The following ZSWIM5 variants were observed in gnomAD, a reference collection of about 807,000 sequenced individuals.
The protein encoded by ZSWIM5 is zinc finger SWIM-type containing 5.
A neutral mutation model predicts 119.6 loss-of-function variants in ZSWIM5; 55 were observed. That is an observed-to-expected ratio of 0.46 (90% CI 0.37 to 0.58). ZSWIM5 has a LOEUF of 0.58. Ranked by LOEUF, ZSWIM5 falls within the 20% of genes least tolerant of loss-of-function variation. The pLI is 0.00. For synonymous variants in ZSWIM5, 537 were observed against 606.9 expected (o/e 0.88, Z 1.69); for missense variants, 1,193 against 1,512.8 (o/e 0.79, Z 3.51).
intron 5 of ZSWIM5, among the ~76,000 whole-genome samples, chr1:45,045,169 T>A (rs1461530513): frequency 1.3e-5 from 2 of 151,784 alleles, no homozygotes; most frequent in Non-Finnish European, 2.9e-5. Context: ...GAGGACCAAA[T>A]GGAAGATATC....
rs1285352714 is a variant in ZSWIM5 at position 45,205,847 on chromosome 1, G to C, written c.504C>G (p.Ala168=). ...AGASPGLGAG[A]GAAGCGGEGL... The stretch of plus-strand genomic sequence containing the variant: ...CCTCGCCACCGCAGCCGGCCGCGCC[G>C]GCCCCTGCGCCCAGCCCGGGGGATG... Residue 168 remains alanine (A), a synonymous_variant, in exon 1 of 14, where the codon GCC becomes GCG. Coordinates refer to ENST00000359600, the MANE Select transcript of ZSWIM5 (RefSeq NM_020883.2). 5.4e-6 allele frequency: 8 copies of C among 1,473,170 alleles called. No homozygotes were observed. The highest frequency in any genetic ancestry group is 6.3e-6 in the Non-Finnish European group (7 of 1,110,108). The allele number at this position is 1,473,170 out of a possible 1,614,324, so 91.3% of individuals were successfully genotyped here. A position where few individuals can be genotyped will look rare whatever the true frequency, so the allele number is the denominator to read the frequency against.
chr1:45,180,578 A>C (rs1249114231), intron 1 of ZSWIM5, among the ~76,000 whole-genome samples: 1 of 152,170 alleles, frequency 6.6e-6, no homozygotes, highest in African/African-American at 2.4e-5. Context: ...TAAGGAGAGC[A>C]GTGGTTCTCC....
chr1:45,140,664 T>C (rs1226402481), intron 1 of ZSWIM5, among the ~76,000 whole-genome samples: 1 of 152,184 alleles, frequency 6.6e-6, no homozygotes, highest in Admixed American at 6.5e-5. Flanking sequence ...GATCTGATCA[T>C]ACACTGCCTA....
At chr1:45,067,067 T>C (rs1424908812) in intron 2 of ZSWIM5, among the ~76,000 whole-genome samples, 1 of 152,166 alleles carries the variant, frequency 6.6e-6, no homozygotes, top group Non-Finnish European at 1.5e-5. Context: ...CATTTGGGTA[T>C]GTTGATCTTG....
At chr1:45,150,626 A>G (rs1645791231) in intron 1 of ZSWIM5, among the ~76,000 whole-genome samples, 1 of 152,096 alleles carries the variant, frequency 6.6e-6, no homozygotes, top group Non-Finnish European at 1.5e-5. Context: ...ACTCTTTGCA[A>G]TTATTCTTTC....
chr1:45,167,254 A>G (rs1441400190), intron 1 of ZSWIM5, among the ~76,000 whole-genome samples: 1 of 151,848 alleles, frequency 6.6e-6, no homozygotes, highest in Admixed American at 6.6e-5. Flanking sequence ...CGGTGCTGGG[A>G]AAACTGGCTA....
intron 1 of ZSWIM5, among the ~76,000 whole-genome samples, chr1:45,125,764 A>AC (rs1166934338): frequency 1.4e-5 from 2 of 139,682 alleles, no homozygotes; most frequent in African/African-American, 5.5e-5. Context: ...ACTCCGTTTC[A>AC]CAAAAAAAAA....
intron 1 of ZSWIM5, among the ~76,000 whole-genome samples, chr1:45,179,700 T>C (rs1329145001): frequency 1.3e-5 from 2 of 152,152 alleles, no homozygotes; most frequent in Non-Finnish European, 2.9e-5. Flanking sequence ...GAAGATGAGA[T>C]GTTGTTATGA....
At chr1:45,106,641 G>A (rs983456061) in intron 1 of ZSWIM5, among the ~76,000 whole-genome samples, 31 of 151,798 alleles carry the variant, frequency 2.0e-4, no homozygotes, top group Non-Finnish European at 2.8e-4. Context: ...GCCTCTGCCC[G>A]GCCGCCCCGT....
intron 1 of ZSWIM5, among the ~76,000 whole-genome samples, chr1:45,143,171 CAAA>C (rs60638239): frequency 3.3e-5 from 2 of 60,594 alleles, no homozygotes; most frequent in Non-Finnish European, 6.5e-5. Context: ...GACTCTGTCT[CAAA>C]AAAAAAAAAA....
chr1:45,152,885 A>G (rs1557781812), intron 1 of ZSWIM5, among the ~76,000 whole-genome samples: 2 of 152,058 alleles, frequency 1.3e-5, no homozygotes, highest in Non-Finnish European at 2.9e-5. Context: ...CAGAATCTAT[A>G]AAGAACTTAA....
chr1:45,022,275 C>T (rs1385340080), intron 11 of ZSWIM5, among the ~76,000 whole-genome samples: 34 of 151,632 alleles, frequency 2.2e-4, no homozygotes, highest in African/African-American at 7.5e-4. Context: ...AGACTACAGG[C>T]GCCCACCACC....
At chr1:45,109,976 C>T (rs1025612691) in intron 1 of ZSWIM5, among the ~76,000 whole-genome samples, 34 of 152,190 alleles carry the variant, frequency 2.2e-4, no homozygotes, top group Admixed American at 1.2e-3. Flanking sequence ...GCGATCCTCC[C>T]GCCTCAGCCT....
rs376402608 is a variant in ZSWIM5 at position 45,043,267 on chromosome 1, C to G, written c.1561G>C (p.Glu521Gln). 11 of 1,614,146 alleles carry G rather than the reference C, an allele frequency of 6.8e-6. No homozygotes were observed. The highest frequency in any genetic ancestry group is 9.3e-6 in the Non-Finnish European group (11 of 1,180,010). The part of the protein sequence containing the change: ...DVYTAPACQR[E>Q]SERLLFNSQG... ...GAATTAAAGAGTAGTCTTTCACTTT[C>G]CCGCTGGCAGGCAGGAGCTGTATAA... Residue 521 changes from glutamate (E) to glutamine (Q), a missense_variant, in exon 6 of 14, where the codon GAA becomes CAA. This residue lies in a region of ZSWIM5 where 961 missense variants were observed against 1,290.0 expected (regional missense o/e 0.74). Transcript: ENST00000359600.
intron 5 of ZSWIM5, among the ~76,000 whole-genome samples, chr1:45,046,631 G>GAT (rs1409190163): frequency 1.4e-4 from 13 of 96,258 alleles, no homozygotes. Context: ...GTCTGGGCAA[G>GAT]ATATGTGTGT....
At chr1:45,100,881 C>G (rs1370054942) in intron 1 of ZSWIM5, among the ~76,000 whole-genome samples, 1 of 152,150 alleles carries the variant, frequency 6.6e-6, no homozygotes. Context: ...TTTCCTTATA[C>G]CTTATACAAA....
intron 11 of ZSWIM5, among the ~76,000 whole-genome samples, chr1:45,026,991 T>C (rs1294360786): frequency 1.3e-5 from 2 of 151,348 alleles, no homozygotes; most frequent in Non-Finnish European, 2.9e-5. Flanking sequence ...AGTTATCAAA[T>C]TGGTGGGCAT....
intron 1 of ZSWIM5, among the ~76,000 whole-genome samples, chr1:45,200,008 A>G (rs1287403443): frequency 6.6e-6 from 1 of 152,234 alleles, no homozygotes; most frequent in Non-Finnish European, 1.5e-5. Flanking sequence ...AAAAATCAGA[A>G]GCATCCAGAA....
At chr1:45,203,027 A>C (rs140543498) in intron 1 of ZSWIM5, among the ~76,000 whole-genome samples, 9 of 152,136 alleles carry the variant, frequency 5.9e-5, no homozygotes, top group Admixed American at 5.2e-4. Flanking sequence ...CCTTTACAAT[A>C]CTGAGATCAG....
Sources: allele counts gnomAD v4.1 joint callset (sites outside exome capture counted in the v4.1 genomes callset), GRCh38; gene constraint gnomAD v4.1.1; regional missense constraint gnomAD v4.1.1; transcripts MANE v1.5; gene names NCBI Gene and HGNC (gene_info 2026-07-23, HGNC 2026-07-21).